PDE8A: variants seen among roughly 807,000 people sequenced by gnomAD.
PDE8A encodes phosphodiesterase 8A.
A neutral mutation model predicts 105.0 loss-of-function variants in PDE8A; 59 were observed. The observed-to-expected ratio is 0.56, with a 90% CI of 0.46 to 0.70. The LOEUF (loss-of-function observed/expected upper bound fraction) is 0.70. PDE8A is among the 30% of genes least tolerant of loss of function. The pLI is 0.00. For missense variants in PDE8A, 1,014 were observed against 1,045.9 expected (o/e 0.97, Z 0.42); for synonymous variants, 355 against 371.9 (o/e 0.95, Z 0.52).
chr15:85,039,837 C>T (rs1008209702), intron 1 of PDE8A, among the ~76,000 whole-genome samples: 1 of 152,154 alleles, frequency 6.6e-6, no homozygotes, highest in Non-Finnish European at 1.5e-5. Flanking sequence ...ATAAGCCAGG[C>T]ACAGAGAGAC....
chr15:85,076,667 G>A, intron 4 of PDE8A, 66 bp from the exon 5 acceptor site: 1 of 913,512 alleles, frequency 1.1e-6, no homozygotes, highest in Non-Finnish European at 1.8e-6. Flanking sequence ...TAAATTAGTA[G>A]AGTAAAAGAG....
intron 11 of PDE8A, among the ~76,000 whole-genome samples, chr15:85,100,501 G>T (rs566763169): frequency 6.6e-6 from 1 of 152,232 alleles, no homozygotes; most frequent in Non-Finnish European, 1.5e-5. Context: ...CTTTAAGAGG[G>T]TTGAGTGTTT....
chr15:85,112,393 G>C (rs1417977397), intron 12 of PDE8A, among the ~76,000 whole-genome samples: 1 of 152,100 alleles, frequency 6.6e-6, no homozygotes, highest in African/African-American at 2.4e-5. Flanking sequence ...TCTGTTGTTT[G>C]TTACAAGCAT....
chr15:85,020,357 A>G (rs2080404702), intron 1 of PDE8A, among the ~76,000 whole-genome samples: 1 of 152,122 alleles, frequency 6.6e-6, no homozygotes, highest in Non-Finnish European at 1.5e-5. Context: ...TAATCCCAGC[A>G]CTTTGGGAAG....
chr15:85,120,647 T>C (rs2082166700), intron 17 of PDE8A, 150 bp from the exon 18 acceptor site: 2 of 590,262 alleles, frequency 3.4e-6, no homozygotes, highest in Non-Finnish European at 6.0e-6. Context: ...AGGGTGGAGA[T>C]AGGAAAACTA....
At chr15:84,983,559 C>G (rs574958669) in intron 1 of PDE8A, among the ~76,000 whole-genome samples, 5 of 152,122 alleles carry the variant, frequency 3.3e-5, no homozygotes, top group Non-Finnish European at 7.4e-5. Flanking sequence ...CAACTTTGTT[C>G]TGATTATCAG....
chr15:85,034,230 A>C (rs999232247), intron 1 of PDE8A, among the ~76,000 whole-genome samples: 1 of 152,246 alleles, frequency 6.6e-6, no homozygotes, highest in Non-Finnish European at 1.5e-5. Flanking sequence ...TTTATATTCA[A>C]TGAAATTGTT....
chr15:84,992,693 G>C (rs2079905200), intron 1 of PDE8A, among the ~76,000 whole-genome samples: 1 of 152,052 alleles, frequency 6.6e-6, no homozygotes, highest in African/African-American at 2.4e-5. Context: ...ATGAGAGAAG[G>C]AAAAACTGAC....
At chr15:85,033,105 G>A (rs2080642847) in intron 1 of PDE8A, among the ~76,000 whole-genome samples, 1 of 152,158 alleles carries the variant, frequency 6.6e-6, no homozygotes, top group African/African-American at 2.4e-5. Flanking sequence ...CAGAAAATGA[G>A]TAGAATAAGT....
At chr15:85,004,424 C>T (rs1461286347) in intron 1 of PDE8A, among the ~76,000 whole-genome samples, 1 of 152,182 alleles carries the variant, frequency 6.6e-6, no homozygotes, top group African/African-American at 2.4e-5. Context: ...GTTCCTCCCA[C>T]CTCCCTCACA....
intron 1 of PDE8A, among the ~76,000 whole-genome samples, chr15:85,051,562 A>C (rs1456673497): frequency 6.6e-6 from 1 of 152,138 alleles, no homozygotes; most frequent in Non-Finnish European, 1.5e-5. Flanking sequence ...TGCACAGATC[A>C]ACCCATCACC....
intron 1 of PDE8A, among the ~76,000 whole-genome samples, chr15:85,015,910 G>A (rs1392482597): frequency 1.3e-5 from 2 of 152,130 alleles, no homozygotes; most frequent in South Asian, 2.1e-4. Context: ...GGTGAGGTGG[G>A]CAATCACTCG....
chr15:85,067,122 G>A lies in PDE8A; in HGVS notation c.352G>A (p.Ala118Thr), dbSNP rs756347692. 1.2e-6 allele frequency: 2 copies of A among 1,613,848 alleles called. No homozygotes were observed. The change falls in exon 3 of 22, where the codon GCC becomes ACC. Residue 118 changes from alanine (A) to threonine (T), a missense_variant. Coordinates refer to ENST00000394553, the MANE Select transcript of PDE8A (RefSeq NM_002605.3). Reference protein sequence around the residue: ...TVTKEAQAVLACFLDKHHDII... With the variant: ...TVTKEAQAVLTCFLDKHHDII... ...TACCAAGGAGGCTCAGGCTGTCCTTGCCTGTTTCCTGGACAAACATCATGA... is the reference window on the plus strand; with the variant it reads ...TACCAAGGAGGCTCAGGCTGTCCTTACCTGTTTCCTGGACAAACATCATGA...
At chr15:84,997,166 A>G (rs1312546332) in intron 1 of PDE8A, among the ~76,000 whole-genome samples, 1 of 152,050 alleles carries the variant, frequency 6.6e-6, no homozygotes, top group Non-Finnish European at 1.5e-5. Flanking sequence ...TTTTCTTCAC[A>G]TACTTACTCT....
At chr15:85,009,133 G>A (rs1244834828) in intron 1 of PDE8A, among the ~76,000 whole-genome samples, 1 of 151,578 alleles carries the variant, frequency 6.6e-6, no homozygotes. Flanking sequence ...GTGTGTGTGT[G>A]TGTGTGTGTG....
intron 1 of PDE8A, among the ~76,000 whole-genome samples, chr15:85,006,265 A>G (rs565412837): frequency 6.6e-6 from 1 of 151,918 alleles, no homozygotes; most frequent in South Asian, 2.1e-4. Flanking sequence ...AAGTATTATT[A>G]TTATAATAAT....
rs775404502 is a variant in PDE8A at position 85,116,084 on chromosome 15, T to G, written c.1500T>G (p.Phe500Leu). The change falls in exon 16 of 22, where the codon TTT (phenylalanine) becomes TTG (leucine). Residue 500 changes from phenylalanine to leucine, a missense_variant. Coordinates refer to ENST00000394553, the MANE Select transcript of PDE8A (RefSeq NM_002605.3). Reference sequence around the variant, plus strand: ...TGGAAAATGAGGAATACTGGGACTTTGATATTTTTGAACTGGAGGCTGCCA... The same window carrying G: ...TGGAAAATGAGGAATACTGGGACTTGGATATTTTTGAACTGGAGGCTGCCA... ...RAMENEEYWDFDIFELEAATH... is the reference protein window; with the variant it reads ...RAMENEEYWDLDIFELEAATH... 5 of 1,613,956 alleles carry G rather than the reference T, an allele frequency of 3.1e-6. No individual in the cohort carries two copies. Among genetic ancestry groups the G allele is most frequent in the Non-Finnish European group, 4.2e-6 (5 of 1,179,956 alleles).
chr15:85,007,839 T>C (rs913654161), intron 1 of PDE8A, among the ~76,000 whole-genome samples: 1 of 152,128 alleles, frequency 6.6e-6, no homozygotes, highest in African/African-American at 2.4e-5. Flanking sequence ...AATTGGAAAT[T>C]TGTGGTCAGA....
chr15:85,058,911 C>T (rs11854185), intron 1 of PDE8A, among the ~76,000 whole-genome samples: 12,575 of 152,024 alleles, frequency 0.083, 1,009 homozygotes, highest in African/African-American at 0.21. Flanking sequence ...TTGCTCTAAT[C>T]GTTATTTCCA....
Sources: allele counts gnomAD v4.1 joint callset (sites outside exome capture counted in the v4.1 genomes callset), GRCh38; gene constraint gnomAD v4.1.1; transcripts MANE v1.5; gene names NCBI Gene and HGNC (gene_info 2026-07-23, HGNC 2026-07-21).